The following FHIT variants were observed in gnomAD, a reference collection of about 807,000 sequenced individuals.
FHIT encodes bis(5'-adenosyl)-triphosphatase.
Under a neutral mutation model 17.9 loss-of-function variants are expected in FHIT, and 19 were observed. That is an observed-to-expected ratio of 1.06 (90% CI 0.74 to 1.56). The LOEUF (loss-of-function observed/expected upper bound fraction) is 1.56. FHIT is among the 40% of genes most tolerant of loss of function. The pLI is 0.00. For synonymous variants in FHIT, 81 were observed against 69.7 expected (o/e 1.16, Z -0.81); for missense variants, 248 against 189.2 (o/e 1.31, Z -1.82).
At chr3:60,018,437 T>A (rs578181659) in intron 5 of FHIT, among the ~76,000 whole-genome samples, 2 of 152,260 alleles carry the variant, frequency 1.3e-5, no homozygotes, top group East Asian at 3.9e-4. Flanking sequence ...AGGTTAGGCC[T>A]TAAGTGACCT....
At chr3:60,267,074 G>A (rs978149130) in intron 5 of FHIT, among the ~76,000 whole-genome samples, 10 of 151,984 alleles carry the variant, frequency 6.6e-5, no homozygotes, top group Non-Finnish European at 1.2e-4. Flanking sequence ...GAAGAAGAGC[G>A]TGTGCAATAG....
intron 2 of FHIT, among the ~76,000 whole-genome samples, chr3:61,087,078 A>G (rs1219302629): frequency 6.6e-6 from 1 of 152,040 alleles, no homozygotes; most frequent in Non-Finnish European, 1.5e-5. Flanking sequence ...TGCCTGCCTC[A>G]CTTTTGTCAA....
intron 4 of FHIT, among the ~76,000 whole-genome samples, chr3:60,649,748 T>G (rs931974672): frequency 6.6e-6 from 1 of 152,194 alleles, no homozygotes; most frequent in South Asian, 2.1e-4. Flanking sequence ...TGTGTTGGAT[T>G]TTTAAATTTT....
intron 8 of FHIT, among the ~76,000 whole-genome samples, chr3:59,829,541 T>C (rs900441234): frequency 7.9e-5 from 12 of 152,308 alleles, no homozygotes; most frequent in African/African-American, 2.6e-4. Flanking sequence ...CATGATCTGT[T>C]AGCCTTCACT....
chr3:60,099,282 C>T (rs972428715), intron 5 of FHIT, among the ~76,000 whole-genome samples: 1 of 152,138 alleles, frequency 6.6e-6, no homozygotes, highest in South Asian at 2.1e-4. Flanking sequence ...TGAAATGATT[C>T]ACAAATGGAA....
chr3:60,359,775 C>A (rs1442966926), intron 5 of FHIT, among the ~76,000 whole-genome samples: 5 of 152,152 alleles, frequency 3.3e-5, no homozygotes, highest in Admixed American at 6.6e-5. Context: ...GAACCAACCA[C>A]TGTCTTCCCT....
At chr3:60,320,810 TA>T (rs1559817097) in intron 5 of FHIT, among the ~76,000 whole-genome samples, 2 of 152,178 alleles carry the variant, frequency 1.3e-5, no homozygotes, top group African/African-American at 4.8e-5. Context: ...AGGAACATAT[TA>T]ATATTTTAAT....
At chr3:60,451,904 G>C (rs1040433801) in intron 5 of FHIT, among the ~76,000 whole-genome samples, 3 of 152,064 alleles carry the variant, frequency 2.0e-5, no homozygotes, top group African/African-American at 7.2e-5. Flanking sequence ...ACAATCCTTA[G>C]GCCCACATGG....
intron 5 of FHIT, among the ~76,000 whole-genome samples, chr3:60,377,821 T>C (rs961601962): frequency 1.2e-4 from 19 of 152,140 alleles, no homozygotes; most frequent in African/African-American, 3.6e-4. Context: ...TGAGAGCCTT[T>C]CTTTTTAATC....
chr3:61,007,904 T>G (rs2031555712), intron 3 of FHIT, among the ~76,000 whole-genome samples: 1 of 152,038 alleles, frequency 6.6e-6, no homozygotes, highest in South Asian at 2.1e-4. Flanking sequence ...GACTGAATGG[T>G]GGGAAGGGAA....
intron 5 of FHIT, among the ~76,000 whole-genome samples, chr3:60,475,351 C>A (rs2033292478): frequency 6.6e-6 from 1 of 152,166 alleles, no homozygotes; most frequent in Admixed American, 6.5e-5. Context: ...GAAAAACATT[C>A]TTTCCCTATT....
intron 5 of FHIT, among the ~76,000 whole-genome samples, chr3:60,428,329 C>A (rs1010610386): frequency 4.6e-5 from 7 of 152,076 alleles, no homozygotes; most frequent in Admixed American, 1.3e-4. Context: ...GATAACTGTT[C>A]GAATTATTAC....
intron 5 of FHIT, among the ~76,000 whole-genome samples, chr3:60,329,394 G>A (rs1187179545): frequency 6.6e-6 from 1 of 152,112 alleles, no homozygotes; most frequent in Non-Finnish European, 1.5e-5. Flanking sequence ...ACTACTAGAG[G>A]ATTCTAACAA....
intron 5 of FHIT, among the ~76,000 whole-genome samples, chr3:60,048,925 A>T (rs1007193470): frequency 9.2e-5 from 14 of 152,186 alleles, no homozygotes; most frequent in African/African-American, 3.1e-4. Context: ...ACAGTTTTTC[A>T]ACAGAGTTAA....
At chr3:59,902,602 T>C (rs964888513) in intron 8 of FHIT, among the ~76,000 whole-genome samples, 4 of 151,570 alleles carry the variant, frequency 2.6e-5, no homozygotes, top group Non-Finnish European at 2.9e-5. Context: ...TGGAATACGA[T>C]TTACTCTTTA....
intron 4 of FHIT, among the ~76,000 whole-genome samples, chr3:60,679,723 T>C (rs1428338022): frequency 6.6e-6 from 1 of 152,080 alleles, no homozygotes; most frequent in African/African-American, 2.4e-5. Context: ...TAAATGAGAT[T>C]ACTAGATCAA....
intron 5 of FHIT, among the ~76,000 whole-genome samples, chr3:60,496,128 A>T (rs557102319): frequency 4.5e-4 from 69 of 152,188 alleles, no homozygotes; most frequent in Non-Finnish European, 8.2e-4. Flanking sequence ...GACCAAAAGG[A>T]AATTATTAAA....
At chr3:60,550,254 G>C (rs749934963) in intron 4 of FHIT, among the ~76,000 whole-genome samples, 13 of 152,162 alleles carry the variant, frequency 8.5e-5, no homozygotes, top group Non-Finnish European at 1.8e-4. Flanking sequence ...ATATATTGAA[G>C]TTTATATGAT....
intron 4 of FHIT, among the ~76,000 whole-genome samples, chr3:60,694,243 C>T (rs1469032699): frequency 1.3e-5 from 2 of 151,268 alleles, no homozygotes; most frequent in Non-Finnish European, 2.9e-5. Context: ...TTAGGCTCCT[C>T]AGAAAACCCG....
Sources: gnomAD v4.1 joint callset for allele counts (sites outside exome capture counted in the v4.1 genomes callset) on GRCh38, gnomAD v4.1.1 for gene constraint, MANE v1.5 for transcripts, NCBI Gene and HGNC (gene_info 2026-07-23, HGNC 2026-07-21) for gene names.